ANKRD24: variants seen among roughly 807,000 people sequenced by gnomAD.
ANKRD24 encodes the protein ankyrin repeat domain-containing protein 24.
In ANKRD24, 109 loss-of-function variants were observed where a neutral mutation model predicts 127.8. That is an observed-to-expected ratio of 0.85 (90% CI 0.73 to 1.00). The LOEUF (loss-of-function observed/expected upper bound fraction) is 1.00. Ranked by LOEUF, ANKRD24 falls within the 50% of genes least tolerant of loss-of-function variation. ANKRD24 has a pLI of 0.00. For synonymous variants in ANKRD24, 743 were observed against 671.1 expected (o/e 1.11, Z -1.66); for missense variants, 1,648 against 1,570.2 (o/e 1.05, Z -0.84).
chr19:4,223,181 C>T (rs1354413189), intron 20 of ANKRD24, among the ~76,000 whole-genome samples: 1 of 151,528 alleles, frequency 6.6e-6, no homozygotes, highest in East Asian at 1.9e-4. Flanking sequence ...CCTGGGCTCG[C>T]ATAAGCCTCC....
rs1970044205 is a variant in ANKRD24, at chr19:4,216,017, C to A, written c.1237C>A (p.Gln413Lys). The A allele has an allele frequency of 1.2e-6, 2 of 1,601,308 alleles. No individual in the cohort carries two copies. Among genetic ancestry groups the A allele is most frequent in the Non-Finnish European group, 8.5e-7 (1 of 1,174,566 alleles). ...TACTAGCTATGACGTAACCACCCTG[C>A]AGGATGAGGAGGGTGAGCTGCCTGA... Reference protein sequence around the residue: ...ENTSYDVTTLQDEEGELPDLP... With the variant: ...ENTSYDVTTLKDEEGELPDLP... Residue 413 changes from glutamine (Q) to lysine (K), a missense_variant, in exon 16 of 22, where the codon CAG becomes AAG. Gln to Lys is a moderately conservative substitution (Grantham distance 53). Transcript: ENST00000318934.
chr19:4,193,211 A>C (rs1289134926), intron 2 of ANKRD24, among the ~76,000 whole-genome samples: 1 of 145,812 alleles, frequency 6.9e-6, no homozygotes, highest in Non-Finnish European at 1.5e-5. Flanking sequence ...CTGAGGCAGG[A>C]GAATCGCTTG....
rs1339885398 is a variant in ANKRD24, at chr19:4,195,536, C to T, written c.37-4147C>T. On this transcript the variant is annotated intron_variant, in intron 2 of 21. Transcript: ENST00000318934. The surrounding 1 kb of genome is among the most constrained non-coding windows in gnomAD (Gnocchi z 4.2). Reference sequence around the variant, plus strand: ...GAGAGAAGAGTTCCAAGGACACCCTCCTTCCCAAATGCCTGTCACTTTCCA... The same window carrying T: ...GAGAGAAGAGTTCCAAGGACACCCTTCTTCCCAAATGCCTGTCACTTTCCA... Among the ~76,000 whole-genome samples the T allele has an allele frequency of 1.3e-5, 2 of 152,220 alleles. No homozygotes were observed. The highest frequency in any genetic ancestry group is 1.5e-5 in the Non-Finnish European group (1 of 68,042).
chr19:4,210,419 C>A, intron 13 of ANKRD24, 47 bp downstream of exon 13: 1 of 1,435,978 alleles, frequency 7.0e-7, no homozygotes, highest in South Asian at 1.3e-5. Flanking sequence ...TGGGTGGGGT[C>A]AATGCAGGCA....
intron 14 of ANKRD24, 26 bp from the exon 15 acceptor site, chr19:4,212,574 A>T: frequency 6.5e-7 from 1 of 1,548,880 alleles, no homozygotes; most frequent in Non-Finnish European, 8.7e-7. Flanking sequence ...TCCCAGAGGC[A>T]GCTGAGCCTC....
At chr19:4,184,279 G>A (rs547135238) in intron 1 of ANKRD24, among the ~76,000 whole-genome samples, 1 of 152,192 alleles carries the variant, frequency 6.6e-6, no homozygotes, top group Non-Finnish European at 1.5e-5. Flanking sequence ...CACTGTGGCC[G>A]GGAGCTCGGG....
chr19:4,220,400 G>A (rs531716118), intron 19 of ANKRD24, among the ~76,000 whole-genome samples: 2 of 152,282 alleles, frequency 1.3e-5, no homozygotes, highest in African/African-American at 4.8e-5. Context: ...AGCACAGAGA[G>A]GTGAAGTCAC....
Position 4,198,483 on chromosome 19 carries a change from C to T in ANKRD24, c.37-1200C>T, listed in dbSNP as rs1159067364. 3.2e-6 allele frequency: 2 copies of T among 622,846 alleles called. No homozygotes were observed. Among genetic ancestry groups the T allele is most frequent in the Non-Finnish European group, 5.8e-6 (2 of 346,224 alleles). 38.6% of individuals were successfully genotyped at this position (622,846 alleles called of 1,614,324 possible). Reference sequence around the variant, plus strand: ...CCCCGTGCGCCCCCCGCGCCCCGCGCCCCGGACGCCATGAAGCAGCTGTGT... The same window carrying T: ...CCCCGTGCGCCCCCCGCGCCCCGCGTCCCGGACGCCATGAAGCAGCTGTGT... On this transcript the variant is annotated intron_variant, in intron 2 of 21. Transcript: ENST00000318934. The surrounding 1 kb of genome is among the most constrained non-coding windows in gnomAD (Gnocchi z 6.1).
Position 4,219,659 on chromosome 19 carries a change from G to A in ANKRD24, c.3072G>A (p.Glu1024=). ...HAAEAQLATA[E]QQLRGLRTEA... is the part of the protein sequence containing the mutation. ...CCGAGGCACAGCTGGCCACAGCAGA[G>A]CAGCAGCTACGGGGGCTACGGACCG... is the stretch of plus-strand genomic sequence containing the variant. The change falls in exon 19 of 22, where the codon GAG becomes GAA. Residue 1024 remains glutamate, a synonymous_variant. Coordinates refer to ENST00000318934, the MANE Select transcript of ANKRD24 (RefSeq NM_001393985.1). The A allele has an allele frequency of 6.2e-7, 1 of 1,613,890 alleles. No homozygotes were observed. Among genetic ancestry groups the A allele is most frequent in the Non-Finnish European group, 8.5e-7 (1 of 1,179,840 alleles).
chr19:4,219,146 C>T (rs1293857555), intron 18 of ANKRD24, among the ~76,000 whole-genome samples: 1 of 152,028 alleles, frequency 6.6e-6, no homozygotes, highest in Non-Finnish European at 1.5e-5. Flanking sequence ...ATTAGGTTGG[C>T]ATTGTGGCAC....
Position 4,210,133 on chromosome 19 carries a change from A to T in ANKRD24, c.946A>T (p.Met316Leu). 6.2e-7 allele frequency: 1 copy of T among 1,608,226 alleles called. No individual in the cohort carries two copies. Among genetic ancestry groups the T allele is most frequent in the Non-Finnish European group, 8.5e-7 (1 of 1,177,646 alleles). ...KAPPPPASIP[M>L]PDDRDAYEEI... ...GCCTCCACCTCCCGCCAGCATTCCC[A>T]TGCCGGTGAGAGATGCTCTGGGCAC... Residue 316 changes from methionine to leucine, a missense_variant, in exon 12 of 22, where the codon ATG becomes TTG. Met to Leu is a conservative substitution (Grantham distance 15). Transcript: ENST00000318934.
intron 18 of ANKRD24, among the ~76,000 whole-genome samples, chr19:4,219,226 C>T (rs993683377): frequency 6.6e-6 from 1 of 151,900 alleles, no homozygotes; most frequent in Non-Finnish European, 1.5e-5. Flanking sequence ...GTGGAGGTTG[C>T]AGTGAGCTGA....
chr19:4,221,086 C>A (rs1970415810), intron 19 of ANKRD24, among the ~76,000 whole-genome samples: 1 of 147,408 alleles, frequency 6.8e-6, no homozygotes, highest in South Asian at 2.2e-4. Context: ...TTGTTTCTTT[C>A]TTTTTTTTTT....
chr19:4,202,725 C>A, intron 6 of ANKRD24, 144 bp from the exon 7 acceptor site: 1 of 845,292 alleles, frequency 1.2e-6, no homozygotes, highest in Non-Finnish European at 1.9e-6. Context: ...CTTTTCTCAC[C>A]AATTTTCATG....
Position 4,210,367 on chromosome 19 carries a change from CAGG to C in ANKRD24, c.1058_1059+1del, listed in dbSNP as rs1969649370. The C allele has an allele frequency of 1.9e-6, 3 of 1,556,574 alleles. No homozygotes were observed. The highest frequency in any genetic ancestry group is 2.6e-6 in the Non-Finnish European group (3 of 1,151,244). On this transcript the variant is annotated inframe_deletion and splice_region_variant, in exon 13 of 22. Transcript: ENST00000318934. ...GGAACAGCACAAGGAACGGAGGCAG[CAGG>C]AGGTTAGGAGGCCTCGGAGATTTGG...
At chr19:4,223,812 C>T (rs1248098456) in intron 20 of ANKRD24, among the ~76,000 whole-genome samples, 1 of 152,038 alleles carries the variant, frequency 6.6e-6, no homozygotes, top group Non-Finnish European at 1.5e-5. Flanking sequence ...TATCCGCCCG[C>T]CTTGGCCTCC....
Position 4,198,727 on chromosome 19 carries a change from G to A in ANKRD24, c.37-956G>A, listed in dbSNP as rs887448088. The stretch of plus-strand genomic sequence containing the variant: ...GAAGAGACATTTGGGGAGACATGTG[G>A]ACACGTTTTGGAAGACTCTTTGAAA... On this transcript the variant is annotated intron_variant, in intron 2 of 21. Coordinates refer to ENST00000318934, the MANE Select transcript of ANKRD24 (RefSeq NM_001393985.1). The surrounding 1 kb of genome is among the most constrained non-coding windows in gnomAD (Gnocchi z 6.1). Among the ~76,000 whole-genome samples, 2 of 151,940 alleles carry A rather than the reference G, an allele frequency of 1.3e-5. No homozygotes were observed. The highest frequency in any genetic ancestry group is 4.9e-5 in the African/African-American group (2 of 41,190).
intron 20 of ANKRD24, among the ~76,000 whole-genome samples, chr19:4,223,002 G>A (rs537570034): frequency 2.0e-5 from 3 of 152,276 alleles, no homozygotes; most frequent in African/African-American, 4.8e-5. Flanking sequence ...CTGGAGTGCA[G>A]TGGCACAATC....
chr19:4,190,582 AGGCAGCCG>A (rs1416366581), intron 2 of ANKRD24, among the ~76,000 whole-genome samples: 9 of 151,900 alleles, frequency 5.9e-5, no homozygotes, highest in African/African-American at 2.2e-4. Context: ...AAAATTAGCC[AGGCAGCCG>A]GGCATGGTGG....
Sources: gnomAD v4.1 joint callset for allele counts (sites outside exome capture counted in the v4.1 genomes callset) on GRCh38, gnomAD v4.1.1 for gene constraint, Gnocchi (gnomAD v3.1) non-coding constraint, MANE v1.5 for transcripts, NCBI Gene and HGNC (gene_info 2026-07-23, HGNC 2026-07-21) for gene names.